PEX5L: variants seen among roughly 807,000 people sequenced by gnomAD.
The protein encoded by PEX5L is PEX5-related protein.
PEX5L carries 30 observed loss-of-function variants against 84.0 expected under a neutral mutation model. That is an observed-to-expected ratio of 0.36 (90% CI 0.27 to 0.48). The LOEUF (loss-of-function observed/expected upper bound fraction) is 0.48, where lower values mean the gene tolerates loss of function less well. PEX5L is among the 20% of genes least tolerant of loss of function. The pLI, the probability that PEX5L is intolerant of heterozygous loss-of-function variation, is 0.99. For synonymous variants in PEX5L, 270 were observed against 283.1 expected, an observed-to-expected ratio of 0.95 and a Z score of 0.46; for missense variants, 533 against 754.6, an observed-to-expected ratio of 0.71 and a Z score of 3.44.
chr3:179,852,193 C>G (rs1292155916), intron 8 of PEX5L, among the ~76,000 whole-genome samples: 1 of 152,152 alleles, frequency 6.6e-6, no homozygotes, highest in Non-Finnish European at 1.5e-5. Context: ...AAGCTGCTGG[C>G]TGGGCCTGCA....
chr3:179,835,865 T>C lies in PEX5L; in HGVS notation c.823-15889A>G, dbSNP rs58438236. On this transcript the variant is annotated intron_variant, in intron 8 of 14. Coordinates refer to ENST00000467460, the MANE Select transcript of PEX5L (RefSeq NM_016559.3). The stretch of plus-strand genomic sequence containing the variant: ...TTAAGTGGGTGTTAGGAGAGTATTT[T>C]AGAGACTTCCTAAAATTCACTCAAA... Among the ~76,000 whole-genome samples, 1,416 of 152,308 alleles carry C rather than the reference T, an allele frequency of 9.3e-3. 29 individuals carry two copies. The highest frequency in any genetic ancestry group is 0.033 in the African/African-American group (1,359 of 41,550).
intron 9 of PEX5L, among the ~76,000 whole-genome samples, chr3:179,817,950 T>C (rs1726796226): frequency 6.6e-6 from 1 of 152,250 alleles, no homozygotes; most frequent in African/African-American, 2.4e-5. Context: ...CACTTAGCTA[T>C]GATTTCCTTG....
chr3:179,958,550 C>G (rs956946970), intron 2 of PEX5L, among the ~76,000 whole-genome samples: 1 of 152,158 alleles, frequency 6.6e-6, no homozygotes, highest in East Asian at 1.9e-4. Flanking sequence ...TTTTAATAAA[C>G]GTGGTGTAAG....
intron 8 of PEX5L, among the ~76,000 whole-genome samples, chr3:179,842,607 C>T (rs1031528464): frequency 4.6e-5 from 7 of 151,986 alleles, no homozygotes; most frequent in African/African-American, 1.7e-4. Context: ...TGCTTTGTAA[C>T]ATGTCCCTTG....
intron 2 of PEX5L, among the ~76,000 whole-genome samples, chr3:179,916,849 T>C (rs1228653709): frequency 6.6e-6 from 1 of 151,958 alleles, no homozygotes; most frequent in Non-Finnish European, 1.5e-5. Context: ...TTTGTATTTT[T>C]AGTTGAGATG....
chr3:179,809,344 G>T, intron 12 of PEX5L, 127 bp downstream of exon 12: 2 of 699,510 alleles, frequency 2.9e-6, no homozygotes, highest in East Asian at 5.1e-5. Flanking sequence ...TCCTCCAGCA[G>T]AATACTGTCC....
At chr3:179,805,247 G>T (rs368404419) in intron 14 of PEX5L, among the ~76,000 whole-genome samples, 1 of 142,388 alleles carries the variant, frequency 7.0e-6, no homozygotes, top group Non-Finnish European at 1.5e-5. Flanking sequence ...ACAAAACTTA[G>T]TCGATACGTT....
chr3:179,959,482 C>A (rs1381332292), intron 2 of PEX5L, among the ~76,000 whole-genome samples: 1 of 152,110 alleles, frequency 6.6e-6, no homozygotes. Context: ...CAGCACCTAG[C>A]AAACACCTAC....
Position 179,995,983 on chromosome 3 carries a change from G to T in PEX5L, c.22-24318C>A, listed in dbSNP as rs149508271. 1.6e-4 allele frequency among the ~76,000 whole-genome samples: 24 copies of T among 152,246 alleles called. 2 individuals carry two copies. The highest frequency in any genetic ancestry group is 1.6e-3 in the Admixed American group (24 of 15,296). On this transcript the variant is annotated intron_variant, in intron 1 of 14. Coordinates refer to ENST00000467460, the MANE Select transcript of PEX5L (RefSeq NM_016559.3). ...CAGAAGAAACAGCTTCCCCATTCCC[G>T]TAAAGTGGCAACATCCCCTTTCCAA...
rs116565941 is a variant in PEX5L at position 179,859,596 on chromosome 3, C to T, written c.727-439G>A. ...CAGCCTCCGGTTAAAAACATAAAAG[C>T]TGCAGAAATGAAAGTGTGGCTTCCA... On this transcript the variant is annotated intron_variant, in intron 7 of 14. Transcript: ENST00000467460. Among the ~76,000 whole-genome samples the T allele has an allele frequency of 1.5e-3, 227 of 152,312 alleles. 1 individual carries two copies. The highest frequency in any genetic ancestry group is 5.1e-3 in the African/African-American group (210 of 41,564).
chr3:179,947,299 A>G (rs35068209), intron 2 of PEX5L, among the ~76,000 whole-genome samples: 28,881 of 144,540 alleles, frequency 0.2, 3,073 homozygotes, highest in African/African-American at 0.26. Flanking sequence ...CATTAATTGA[A>G]TAAAAATTAT....
chr3:179,914,710 G>A (rs1435475402), intron 2 of PEX5L, among the ~76,000 whole-genome samples: 1 of 152,208 alleles, frequency 6.6e-6, no homozygotes, highest in African/African-American at 2.4e-5. Context: ...AACATCCGAG[G>A]CAAAGACAAG....
At chr3:180,019,278 T>C (rs960206361) in intron 1 of PEX5L, among the ~76,000 whole-genome samples, 2 of 152,238 alleles carry the variant, frequency 1.3e-5, no homozygotes, top group African/African-American at 4.8e-5. Context: ...TTTACTCATA[T>C]AATCGTGCTT....
At position 179,796,396 on chromosome 3, in the gene PEX5L, C is replaced by T. The variant is rs530958893; in HGVS notation, c.*5432G>A. On this transcript the variant is annotated 3_prime_UTR_variant, in exon 15 of 15. Transcript: ENST00000467460. ...TGAGAAAACAGTTCTGACATTGGGA[C>T]ACTTGTCTCTAGACTGTGTTATTTT... The T allele has an allele frequency of 6.6e-6, 1 of 152,292 alleles. No homozygotes were observed. The highest frequency in any genetic ancestry group is 2.1e-4 in the South Asian group (1 of 4,824). The allele number at this position is 152,292 out of a possible 1,614,324, so 9.4% of individuals were successfully genotyped here.
At chr3:179,893,867 T>C (rs1449801409) in intron 3 of PEX5L, among the ~76,000 whole-genome samples, 1 of 152,090 alleles carries the variant, frequency 6.6e-6, no homozygotes, top group East Asian at 1.9e-4. Flanking sequence ...ATTTTAGAAT[T>C]GTTTTGTTTA....
chr3:180,027,464 A>G (rs1340215562), intron 1 of PEX5L, among the ~76,000 whole-genome samples: 1 of 152,228 alleles, frequency 6.6e-6, no homozygotes, highest in Non-Finnish European at 1.5e-5. Flanking sequence ...CTTTATCATT[A>G]TCTTTCATTC....
intron 2 of PEX5L, among the ~76,000 whole-genome samples, chr3:179,951,501 T>C (rs1219278557): frequency 6.6e-6 from 1 of 152,208 alleles, no homozygotes; most frequent in Non-Finnish European, 1.5e-5. Context: ...GATTATTTTT[T>C]ACCTTTCTAG....
At chr3:179,818,709 G>A (rs1727213568) in intron 9 of PEX5L, among the ~76,000 whole-genome samples, 1 of 151,648 alleles carries the variant, frequency 6.6e-6, no homozygotes, top group Non-Finnish European at 1.5e-5. Context: ...TATGAAGTCT[G>A]TCTTTCTGTG....
At chr3:179,855,671 C>G (rs1195750988) in intron 8 of PEX5L, among the ~76,000 whole-genome samples, 1 of 152,058 alleles carries the variant, frequency 6.6e-6, no homozygotes, top group Non-Finnish European at 1.5e-5. Context: ...GAGGTAGGGC[C>G]TTTGGGAGGT....
Sources: allele counts gnomAD v4.1 joint callset (sites outside exome capture counted in the v4.1 genomes callset), GRCh38; gene constraint gnomAD v4.1.1; transcripts MANE v1.5; gene names NCBI Gene and HGNC (gene_info 2026-07-23, HGNC 2026-07-21).